The following PPP1CA variants were observed in gnomAD, a reference collection of about 807,000 sequenced individuals.
PPP1CA encodes the protein protein phosphatase 1 catalytic subunit alpha, also known as serine/threonine-protein phosphatase PP1-alpha catalytic subunit.
A neutral mutation model predicts 38.5 loss-of-function variants in PPP1CA; 14 were observed. The observed-to-expected ratio is 0.36, with a 90% confidence interval of 0.24 to 0.57. The LOEUF is 0.57. PPP1CA is among the 20% of genes least tolerant of loss of function. The pLI is 0.80. For missense variants in PPP1CA, 277 were observed against 435.2 expected (o/e 0.64, Z 3.23); for synonymous variants, 200 against 177.3 (o/e 1.13, Z -1.02).
In PPP1CA at chr11:67,401,821, C is replaced by T; in HGVS notation, c.-39G>A. On this transcript the variant is annotated 5_prime_UTR_variant, in exon 1 of 7. Transcript: ENST00000376745. Reference sequence around the variant, plus strand: ...CTCCAGCCCAGCAGCTCCTGGCCCGCTCCTGCCTCCCGCCCTCCGGCAGCC... The same window carrying T: ...CTCCAGCCCAGCAGCTCCTGGCCCGTTCCTGCCTCCCGCCCTCCGGCAGCC... The T allele has an allele frequency of 1.4e-6, 2 of 1,387,860 alleles. No homozygotes were observed. Among genetic ancestry groups the T allele is most frequent in the Non-Finnish European group, 9.4e-7 (1 of 1,059,392 alleles). 86.0% of individuals were successfully genotyped at this position (1,387,860 alleles called of 1,614,324 possible).
intron 4 of PPP1CA, 145 bp downstream of exon 4, chr11:67,399,416 T>G: frequency 1.3e-6 from 1 of 764,722 alleles, no homozygotes; most frequent in Non-Finnish European, 2.2e-6. Context: ...AGGACACACA[T>G]CAAGGAAGTG....
Position 67,399,025 on chromosome 11 carries a change from C to T in PPP1CA, c.662G>A (p.Arg221His). The T allele has an allele frequency of 6.2e-7, 1 of 1,613,524 alleles. No individual in the cohort carries two copies. The highest frequency in any genetic ancestry group is 8.5e-7 in the Non-Finnish European group (1 of 1,180,022). ...GGCTCCAAAGGTAAAAGAGACGCCA[C>T]GGTCGTTCTCGCCCCAGCCCTGCAC... ...KDVQGWGEND[R>H]GVSFTFGAEV... Residue 221 changes from arginine (R) to histidine (H), a missense_variant, in exon 5 of 7, where the codon CGT becomes CAT. Physicochemically the swap from Arg to His is conservative, Grantham distance 29. Around this residue, in one of 3 missense-constraint regions of PPP1CA, gnomAD observed 180 missense variants for 356.7 expected, o/e 0.50. Transcript: ENST00000376745.
chr11:67,401,347 C>G, intron 1 of PPP1CA, 148 bp from the exon 2 acceptor site: 1 of 1,379,566 alleles, frequency 7.2e-7, no homozygotes, highest in Non-Finnish European at 9.8e-7. Flanking sequence ...CCTCCCGGGA[C>G]CGCGGCCTCA....
At chr11:67,399,414 C>T (rs971933144) in intron 4 of PPP1CA, 147 bp downstream of exon 4, 22 of 758,670 alleles carry the variant, frequency 2.9e-5, no homozygotes, top group Non-Finnish European at 4.6e-5. Flanking sequence ...GTAGGACACA[C>T]ATCAAGGAAG....
chr11:67,400,650 T>G, intron 3 of PPP1CA, 39 bp downstream of exon 3: 1 of 1,590,578 alleles, frequency 6.3e-7, no homozygotes. Context: ...AAGAGTGCGG[T>G]TCAGGACCCG....
At chr11:67,400,598 C>G in intron 3 of PPP1CA, 91 bp downstream of exon 3, 1 of 1,271,964 alleles carries the variant, frequency 7.9e-7, no homozygotes. Context: ...TATCAAGTGT[C>G]TGTCAGATAT....
Position 67,401,802 on chromosome 11 carries a change from C to A in PPP1CA, c.-20G>T. The A allele has an allele frequency of 6.9e-7, 1 of 1,459,724 alleles. No homozygotes were observed. The highest frequency in any genetic ancestry group is 9.1e-7 in the Non-Finnish European group (1 of 1,096,188). 90.4% of individuals were successfully genotyped at this position (1,459,724 alleles called of 1,614,324 possible). On this transcript the variant is annotated 5_prime_UTR_variant, in exon 1 of 7. Coordinates refer to ENST00000376745, the MANE Select transcript of PPP1CA (RefSeq NM_002708.4). ...GGACATGGCGGCGCCGCCGCTCCAGCCCAGCAGCTCCTGGCCCGCTCCTGC... is the reference window on the plus strand; with the variant it reads ...GGACATGGCGGCGCCGCCGCTCCAGACCAGCAGCTCCTGGCCCGCTCCTGC...
chr11:67,401,270 G>A (rs1862883079), intron 1 of PPP1CA, 71 bp from the exon 2 acceptor site: 4 of 1,601,196 alleles, frequency 2.5e-6, no homozygotes, highest in Non-Finnish European at 3.4e-6. Context: ...GTGGCCCCAT[G>A]GATACCTCCG....
intron 4 of PPP1CA, 130 bp downstream of exon 4, chr11:67,399,431 C>T: frequency 1.2e-6 from 1 of 817,406 alleles, no homozygotes; most frequent in Non-Finnish European, 2.0e-6. Context: ...GAAGTGAGTG[C>T]AGCCCAGCAC....
chr11:67,400,945 T>C, intron 2 of PPP1CA, 26 bp from the exon 3 acceptor site: 3 of 1,611,602 alleles, frequency 1.9e-6, no homozygotes, highest in South Asian at 2.2e-5. Context: ...CCGGGTAAGC[T>C]AGATGCAAGG....
Position 67,401,816 on chromosome 11 carries a change from G to T in PPP1CA, c.-34C>A. On this transcript the variant is annotated 5_prime_UTR_variant, in exon 1 of 7. Transcript: ENST00000376745. ...CGCCGCTCCAGCCCAGCAGCTCCTG[G>T]CCCGCTCCTGCCTCCCGCCCTCCGG... The T allele has an allele frequency of 7.1e-7, 1 of 1,399,822 alleles. No homozygotes were observed. 86.7% of individuals were successfully genotyped at this position (1,399,822 alleles called of 1,614,324 possible).
At chr11:67,400,108 G>A (rs1031906082) in intron 3 of PPP1CA, among the ~76,000 whole-genome samples, 3 of 152,212 alleles carry the variant, frequency 2.0e-5, no homozygotes, top group Non-Finnish European at 4.4e-5. Flanking sequence ...TTGCACTCTA[G>A]CCTGGGCAAC....
Position 67,398,531 on chromosome 11 carries a change from G to A in PPP1CA, c.*4C>T. The A allele has an allele frequency of 1.2e-6, 2 of 1,613,322 alleles. No individual in the cohort carries two copies. Among genetic ancestry groups the A allele is most frequent in the Non-Finnish European group, 1.7e-6 (2 of 1,179,442 alleles). On this transcript the variant is annotated 3_prime_UTR_variant, in exon 7 of 7. Coordinates refer to ENST00000376745, the MANE Select transcript of PPP1CA (RefSeq NM_002708.4). ...CATCTGGGGCACAGGGTGGTGTGCG[G>A]GGGCTATTTCTTGGCTTTGGCGGAA... is the stretch of plus-strand genomic sequence containing the variant.
At position 67,398,983 on chromosome 11, in the gene PPP1CA, A is replaced by C; in HGVS notation, c.704T>G (p.Phe235Cys). ...FTFGAEVVAK[F>C]LHKHDLDLIC... Reference sequence around the variant, plus strand: ...GAGGTCCAAGTCGTGCTTGTGGAGGAACTTGGCCACCACCTCGGCTCCAAA... The same window carrying C: ...GAGGTCCAAGTCGTGCTTGTGGAGGCACTTGGCCACCACCTCGGCTCCAAA... Residue 235 changes from phenylalanine (F) to cysteine (C), a missense_variant, in exon 5 of 7, where the codon TTC (phenylalanine) becomes TGC (cysteine). Phe to Cys is a radical substitution (Grantham distance 205, BLOSUM62 -2). This residue lies in a region of PPP1CA where 180 missense variants were observed against 356.7 expected (regional missense o/e 0.50). Coordinates refer to ENST00000376745, the MANE Select transcript of PPP1CA (RefSeq NM_002708.4). 2.5e-6 allele frequency: 4 copies of C among 1,613,398 alleles called. No homozygotes were observed. The highest frequency in any genetic ancestry group is 3.4e-6 in the Non-Finnish European group (4 of 1,180,022).
At position 67,399,642 on chromosome 11, in the gene PPP1CA, G is replaced by A. The variant is rs1454653608; in HGVS notation, c.442C>T (p.Leu148=). The A allele has an allele frequency of 1.2e-6, 2 of 1,613,918 alleles. No individual in the cohort carries two copies. The highest frequency in any genetic ancestry group is 3.3e-5 in the Admixed American group (2 of 60,004). The part of the protein sequence containing the change: ...DECKRRYNIK[L]WKTFTDCFNC... ...AAGCAGTCAGTGAAGGTTTTCCACA[G>A]TTTGATGTTGTAGCGTCTCTTGCCT... The change falls in exon 4 of 7, where the codon CTG becomes TTG. Residue 148 remains leucine, a synonymous_variant. Coordinates refer to ENST00000376745, the MANE Select transcript of PPP1CA (RefSeq NM_002708.4).
chr11:67,399,210 C>A, intron 4 of PPP1CA, 47 bp from the exon 5 acceptor site: 1 of 1,553,846 alleles, frequency 6.4e-7, no homozygotes. Flanking sequence ...GACATCCTCC[C>A]TCCAGGAAGC....
At chr11:67,399,350 C>T (rs902231911) in intron 4 of PPP1CA, among the ~76,000 whole-genome samples, 187 bp from the exon 5 acceptor site, 1 of 152,226 alleles carries the variant, frequency 6.6e-6, no homozygotes, top group Non-Finnish European at 1.5e-5. Context: ...ACAAAGGCAT[C>T]CCTGCCCTCA....
Position 67,398,642 on chromosome 11 carries a change from G to C in PPP1CA, c.886C>G (p.Leu296Val). ...CCCTTGTTCTTGTCGGCGGGCTTGA[G>C]GATCTAAAAGAGACAGTGTTGGTCA... ...DETLMCSFQI[L>V]KPADKNKGKY... is the part of the protein sequence containing the mutation. Residue 296 changes from leucine to valine, a missense_variant, in exon 7 of 7, where the codon CTC becomes GTC. By Grantham distance (32) the Leu-to-Val change is conservative. This residue lies in a region of PPP1CA where 53 missense variants were observed against 51.1 expected (regional missense o/e 1.04). Coordinates refer to ENST00000376745, the MANE Select transcript of PPP1CA (RefSeq NM_002708.4). The C allele has an allele frequency of 6.2e-7, 1 of 1,614,038 alleles. No individual in the cohort carries two copies. The highest frequency in any genetic ancestry group is 8.5e-7 in the Non-Finnish European group (1 of 1,179,968).
chr11:67,401,475 G>C (rs941558824), intron 1 of PPP1CA: 11 of 598,124 alleles, frequency 1.8e-5, no homozygotes, highest in Non-Finnish European at 3.1e-5. Flanking sequence ...GGGCTTCCCG[G>C]GTTTCTCCCT....
Sources: gnomAD v4.1 joint callset for allele counts (sites outside exome capture counted in the v4.1 genomes callset) on GRCh38, gnomAD v4.1.1 for gene constraint, gnomAD v4.1.1 regional missense constraint, MANE v1.5 for transcripts, NCBI Gene and HGNC (gene_info 2026-07-23, HGNC 2026-07-21) for gene names.